The following CCSER1 variants were observed in gnomAD, a reference collection of about 807,000 sequenced individuals.
CCSER1 encodes serine-rich coiled-coil domain-containing protein 1.
In CCSER1, 41 loss-of-function variants were observed where a neutral mutation model predicts 82.0. The ratio of observed to expected loss-of-function variants is 0.50; its 90% CI spans 0.39 to 0.65. CCSER1 has a LOEUF of 0.65. Ranked by LOEUF, CCSER1 falls within the 30% of genes least tolerant of loss-of-function variation. The pLI, the probability that CCSER1 is intolerant of heterozygous loss-of-function variation, is 0.00. For synonymous variants in CCSER1, 414 were observed against 383.9 expected, an observed-to-expected ratio of 1.08 and a Z score of -0.92; for missense variants, 1,119 against 1,064.2, an observed-to-expected ratio of 1.05 and a Z score of -0.72.
chr4:90,243,050 T>TTCTC lies in CCSER1; in HGVS notation c.-41-65184_-41-65181dup, dbSNP rs763068088. 6.9e-3 allele frequency among the ~76,000 whole-genome samples: 1,023 copies of TTCTC among 148,834 alleles called. 24 individuals are homozygous for TTCTC. The highest frequency in any genetic ancestry group is 0.024 in the African/African-American group (951 of 39,426). On this transcript the variant is annotated intron_variant, in intron 1 of 10. Coordinates refer to ENST00000509176, the MANE Select transcript of CCSER1 (RefSeq NM_001145065.2). ...TTCAGCTAGTTGATCTCTCTCTCTT[T>TTCTC]TCTCTCTCTCTCTTTTTTTTTTTTT...
At chr4:90,584,388 G>A (rs1198439635) in intron 5 of CCSER1, among the ~76,000 whole-genome samples, 1 of 152,126 alleles carries the variant, frequency 6.6e-6, no homozygotes, top group Non-Finnish European at 1.5e-5. Context: ...AAGGAAAAGA[G>A]AACCTCAGTT....
intron 10 of CCSER1, among the ~76,000 whole-genome samples, chr4:91,575,527 CAAAT>C (rs1264991327): frequency 6.6e-6 from 1 of 151,866 alleles, no homozygotes; most frequent in Admixed American, 6.6e-5. Flanking sequence ...AGCAAGAAAA[CAAAT>C]AATCTGGTTA....
intron 10 of CCSER1, among the ~76,000 whole-genome samples, chr4:91,412,499 A>G (rs893446836): frequency 6.7e-6 from 1 of 148,372 alleles, no homozygotes; most frequent in Non-Finnish European, 1.5e-5. Context: ...ACATGAAAGC[A>G]GGTATTCATC....
intron 9 of CCSER1, among the ~76,000 whole-genome samples, chr4:91,023,959 T>C (rs1457548451): frequency 1.3e-5 from 2 of 152,206 alleles, no homozygotes; most frequent in African/African-American, 2.4e-5. Flanking sequence ...ATTCATTTAT[T>C]ATATTTCTGG....
At chr4:90,724,139 C>T in intron 7 of CCSER1, 148 bp downstream of exon 7, 1 of 516,566 alleles carries the variant, frequency 1.9e-6, no homozygotes. Flanking sequence ...TTTGTGTGTT[C>T]CATTGTCATT....
chr4:91,562,603 C>T (rs1762705674), intron 10 of CCSER1, among the ~76,000 whole-genome samples: 1 of 151,300 alleles, frequency 6.6e-6, no homozygotes, highest in African/African-American at 2.4e-5. Flanking sequence ...AATTGTAGAC[C>T]CACTTAGACT....
intron 10 of CCSER1, among the ~76,000 whole-genome samples, chr4:91,522,727 T>A (rs2110145672): frequency 6.6e-6 from 1 of 152,328 alleles, no homozygotes; most frequent in African/African-American, 2.4e-5. Flanking sequence ...TGATTTTGTA[T>A]CCTGAGACTT....
At chr4:90,245,284 TG>T (rs1240257523) in intron 1 of CCSER1, among the ~76,000 whole-genome samples, 1 of 152,192 alleles carries the variant, frequency 6.6e-6, no homozygotes, top group Non-Finnish European at 1.5e-5. Context: ...ATTTTCATTA[TG>T]TTTTTAGGCT....
intron 9 of CCSER1, among the ~76,000 whole-genome samples, chr4:90,944,204 C>G (rs938557242): frequency 4.1e-5 from 6 of 146,512 alleles, no homozygotes; most frequent in African/African-American, 1.3e-4. Context: ...TGCACTCCAG[C>G]CTGGGTGACA....
intron 5 of CCSER1, among the ~76,000 whole-genome samples, chr4:90,571,406 A>G (rs77135349): frequency 0.012 from 1,881 of 152,354 alleles, 38 homozygotes; most frequent in African/African-American, 0.043. Context: ...GCCATAAAAA[A>G]GAATGAAATC....
intron 8 of CCSER1, among the ~76,000 whole-genome samples, chr4:90,853,950 C>T (rs951255349): frequency 1.1e-4 from 16 of 152,218 alleles, no homozygotes; most frequent in African/African-American, 3.1e-4. Context: ...TAAACCCATT[C>T]ATCTATGATA....
intron 1 of CCSER1, among the ~76,000 whole-genome samples, chr4:90,295,042 G>GT (rs1302206974): frequency 6.6e-6 from 1 of 151,658 alleles, no homozygotes; most frequent in African/African-American, 2.4e-5. Context: ...GACCTTATAT[G>GT]TTTAGCTCTT....
chr4:91,584,536 A>T (rs764841697), intron 10 of CCSER1, among the ~76,000 whole-genome samples: 1 of 151,524 alleles, frequency 6.6e-6, no homozygotes, highest in Admixed American at 6.6e-5. Flanking sequence ...GGGAAAATTT[A>T]GAAACAGTAT....
intron 3 of CCSER1, among the ~76,000 whole-genome samples, chr4:90,398,846 T>G (rs1271496762): frequency 6.6e-6 from 1 of 152,140 alleles, no homozygotes; most frequent in African/African-American, 2.4e-5. Flanking sequence ...CACGTGTTTT[T>G]AAAGTTTAAT....
chr4:90,264,478 A>G (rs1724897598), intron 1 of CCSER1, among the ~76,000 whole-genome samples: 1 of 152,170 alleles, frequency 6.6e-6, no homozygotes, highest in South Asian at 2.1e-4. Context: ...ATATTTTCAT[A>G]TTAGGATCAT....
intron 1 of CCSER1, among the ~76,000 whole-genome samples, chr4:90,228,562 G>A (rs527855857): frequency 1.8e-4 from 27 of 152,234 alleles, no homozygotes; most frequent in African/African-American, 4.1e-4. Context: ...AACGCAGAGC[G>A]CCTCTCCTCC....
intron 1 of CCSER1, among the ~76,000 whole-genome samples, chr4:90,173,154 A>C (rs189786051): frequency 3.9e-4 from 60 of 151,942 alleles, no homozygotes; most frequent in Admixed American, 3.2e-3. Flanking sequence ...AGAAATTAAG[A>C]TATCAATTTA....
intron 1 of CCSER1, among the ~76,000 whole-genome samples, chr4:90,250,528 T>C (rs1386497402): frequency 6.6e-6 from 1 of 152,052 alleles, no homozygotes; most frequent in Non-Finnish European, 1.5e-5. Context: ...TGACCAAAAA[T>C]ATAAGGGCTA....
At chr4:91,251,077 G>C (rs1740218137) in intron 10 of CCSER1, among the ~76,000 whole-genome samples, 1 of 152,118 alleles carries the variant, frequency 6.6e-6, no homozygotes, top group Non-Finnish European at 1.5e-5. Context: ...TAGAGAGGAA[G>C]AACACTGAAA....
Sources: allele counts gnomAD v4.1 joint callset (sites outside exome capture counted in the v4.1 genomes callset), GRCh38; gene constraint gnomAD v4.1.1; transcripts MANE v1.5; gene names NCBI Gene and HGNC (gene_info 2026-07-23, HGNC 2026-07-21).